Variants in ZNF398 observed in about 807,000 individuals in gnomAD.
ZNF398 encodes zinc finger DNA binding protein ZER6.
ZNF398 carries 18 observed loss-of-function variants against 41.9 expected under a neutral mutation model. That is an observed-to-expected ratio of 0.43 (90% confidence interval 0.30 to 0.64). The LOEUF is 0.64. Among genes scored for constraint, ZNF398 ranks in the 30% least tolerant of loss-of-function variants. The pLI is 0.14. For missense variants in ZNF398, 669 were observed against 822.8 expected (o/e 0.81, Z 2.29); for synonymous variants, 260 against 308.8 (o/e 0.84, Z 1.66).
chr7:149,135,618 T>C (rs1229497176), intron 2 of ZNF398, among the ~76,000 whole-genome samples: 1 of 150,566 alleles, frequency 6.6e-6, no homozygotes, highest in African/African-American at 2.4e-5. Flanking sequence ...GGAGAACTTA[T>C]CCATGTCGCT....
At chr7:149,156,170 G>A (rs1794972406) in intron 2 of ZNF398, among the ~76,000 whole-genome samples, 1 of 152,048 alleles carries the variant, frequency 6.6e-6, no homozygotes, top group Non-Finnish European at 1.5e-5. Context: ...GGAGAGAAGT[G>A]GACAGATGCA....
At chr7:149,153,562 A>G (rs1256685293) in intron 1 of ZNF398, among the ~76,000 whole-genome samples, 2 of 152,220 alleles carry the variant, frequency 1.3e-5, no homozygotes, top group Non-Finnish European at 2.9e-5. Flanking sequence ...GGTCTAGAGC[A>G]TAAGTCTATA....
chr7:149,130,981 A>AG (rs995804247), intron 2 of ZNF398, among the ~76,000 whole-genome samples: 18 of 152,288 alleles, frequency 1.2e-4, no homozygotes, highest in African/African-American at 3.8e-4. Flanking sequence ...ATGATGGGTG[A>AG]GGGGTCTGAC....
intron 5 of ZNF398, among the ~76,000 whole-genome samples, chr7:149,178,116 C>T (rs896995991): frequency 7.9e-5 from 12 of 152,106 alleles, no homozygotes; most frequent in African/African-American, 2.9e-4. Context: ...ACAGTGAAAC[C>T]CTGTCTCTAC....
intron 2 of ZNF398, among the ~76,000 whole-genome samples, chr7:149,138,036 C>T (rs191905037): frequency 7.6e-4 from 115 of 151,304 alleles, no homozygotes; most frequent in African/African-American, 2.5e-3. Flanking sequence ...CCCATCTCTA[C>T]TAAAAATACA....
rs1241038943 is a variant in ZNF398 at position 149,182,362 on chromosome 7, C to G, written c.*2561C>G. 1.3e-5 allele frequency: 2 copies of G among 152,168 alleles called. No individual in the cohort carries two copies. Among genetic ancestry groups the G allele is most frequent in the African/African-American group, 4.8e-5 (2 of 41,428 alleles). The allele number at this position is 152,168 out of a possible 1,614,324, so 9.4% of individuals were successfully genotyped here. A position where few individuals can be genotyped will look rare whatever the true frequency, so the allele number is the denominator to read the frequency against. ...TGTTACTCTTTTCTTTCATCAATCC[C>G]CTATCAGTTAGAACTGCAGGCCAGT... On this transcript the variant is annotated 3_prime_UTR_variant, in exon 6 of 6. Coordinates refer to ENST00000475153, the MANE Select transcript of ZNF398 (RefSeq NM_170686.3).
At chr7:149,149,031 G>C (rs1447572546) in intron 1 of ZNF398, among the ~76,000 whole-genome samples, 1 of 151,786 alleles carries the variant, frequency 6.6e-6, no homozygotes, top group Non-Finnish European at 1.5e-5. Context: ...GCCAGGCGCT[G>C]TGTTGTGCAC....
At chr7:149,146,687 T>TA (rs918364019), upstream of ZNF398, among the ~76,000 whole-genome samples, 242 of 143,808 alleles carry the variant, frequency 1.7e-3, 1 homozygote, top group Middle Eastern at 7.2e-3. Context: ...CGTCTCCACT[T>TA]AAAAAAAAAA....
At chr7:149,170,007 C>A (rs1376704231) in intron 4 of ZNF398, among the ~76,000 whole-genome samples, 1 of 152,140 alleles carries the variant, frequency 6.6e-6, no homozygotes, top group Non-Finnish European at 1.5e-5. Flanking sequence ...CTTAATTGTT[C>A]CAGTAATGAG....
At chr7:149,160,931 AGTGGGGGCGGGCTGCTGGCTGAG>A (rs1159088491) in intron 2 of ZNF398, among the ~76,000 whole-genome samples, 1 of 151,926 alleles carries the variant, frequency 6.6e-6, no homozygotes, top group Non-Finnish European at 1.5e-5. Flanking sequence ...AGGGGGCTAG[AGTGGGGGCGGGCTGCTGGCTGAG>A]GTGGTGTCTC....
intron 2 of ZNF398, among the ~76,000 whole-genome samples, chr7:149,158,980 T>C: frequency 6.6e-6 from 1 of 151,940 alleles, no homozygotes; most frequent in Admixed American, 6.6e-5. Flanking sequence ...GTGATTTCCC[T>C]TAAAGATTTT....
At chr7:149,178,291 C>CAA (rs565678658) in intron 5 of ZNF398, among the ~76,000 whole-genome samples, 1 of 137,424 alleles carries the variant, frequency 7.3e-6, no homozygotes, top group African/African-American at 2.7e-5. Flanking sequence ...GACTCCGTCT[C>CAA]AAAAAAAAAA....
Position 149,166,860 on chromosome 7 carries a change from A to G in ZNF398, c.591A>G (p.Pro197=). 6.2e-7 allele frequency: 1 copy of G among 1,613,322 alleles called. No individual in the cohort carries two copies. Among genetic ancestry groups the G allele is most frequent in the Non-Finnish European group, 8.5e-7 (1 of 1,179,432 alleles). Residue 197 remains proline, a synonymous_variant, in exon 4 of 6, where the codon CCA becomes CCG. Coordinates refer to ENST00000475153, the MANE Select transcript of ZNF398 (RefSeq NM_170686.3). ...CTGATGTCTTATCTCAGATTCAACC[A>G]GAAGGGGAACATAATACAGAGGACC... is the stretch of plus-strand genomic sequence containing the variant. ...NQPDVLSQIQ[P]EGEHNTEDQA...
intron 2 of ZNF398, among the ~76,000 whole-genome samples, chr7:149,132,474 A>G (rs6944781): frequency 0.59 from 88,911 of 151,926 alleles, 27,650 homozygotes; most frequent in East Asian, 0.9. Context: ...GAATACAGGC[A>G]TTAGCCACCC....
rs1487125581 is a variant in ZNF398 at position 149,179,154 on chromosome 7, C to T, written c.1282C>T (p.Pro428Ser). The T allele has an allele frequency of 5.0e-6, 8 of 1,613,844 alleles. No homozygotes were observed. Among genetic ancestry groups the T allele is most frequent in the Non-Finnish European group, 6.8e-6 (8 of 1,180,024 alleles). ...CCATAACAGCACTGAGCGTCCTTTC[C>T]CCTGTCCTGATTGCCCCAAGCGCTT... is the stretch of plus-strand genomic sequence containing the variant. ...RVHNSTERPF[P>S]CPDCPKRFAD... The change falls in exon 6 of 6, where the codon CCC becomes TCC. Residue 428 changes from proline (P) to serine (S), a missense_variant. Around this residue, in one of 3 missense-constraint regions of ZNF398, gnomAD observed 290 missense variants for 292.9 expected, o/e 0.99. Transcript: ENST00000475153. This position sits in a 1 kb window ranked among gnomAD's most constrained non-coding sequence, Gnocchi z 6.1.
chr7:149,157,264 G>C (rs1488699166), intron 2 of ZNF398, among the ~76,000 whole-genome samples: 2 of 152,182 alleles, frequency 1.3e-5, no homozygotes, highest in Non-Finnish European at 2.9e-5. Flanking sequence ...GCGGGGCACG[G>C]TGGCTAATGC....
Position 149,147,574 on chromosome 7 carries a change from C to A in ZNF398, c.-169C>A. 1.5e-6 allele frequency: 1 copy of A among 689,024 alleles called. No individual in the cohort carries two copies. Among genetic ancestry groups the A allele is most frequent in the Non-Finnish European group, 2.0e-6 (1 of 507,808 alleles). The allele number at this position is 689,024 out of a possible 1,614,324, so 42.7% of individuals were successfully genotyped here. On this transcript the variant is annotated 5_prime_UTR_variant, in exon 1 of 6. Transcript: ENST00000475153. This position sits in a 1 kb window ranked among gnomAD's most constrained non-coding sequence, Gnocchi z 5.6. ...ACCGCGCCTCCGCCGCGTTCCTGCG[C>A]GTCCCGAGCCCCGACGGCCGCGTGA...
At chr7:149,145,942 CTTTTTTT>C (rs34950278), upstream of ZNF398, among the ~76,000 whole-genome samples, 8 of 103,090 alleles carry the variant, frequency 7.8e-5, 1 homozygote, top group Non-Finnish European at 1.1e-4. Flanking sequence ...CTCGCAGGTC[CTTTTTTT>C]TTTTTTTTTT....
intron 2 of ZNF398, among the ~76,000 whole-genome samples, chr7:149,132,102 G>A (rs1422697516): frequency 1.3e-5 from 2 of 151,770 alleles, no homozygotes; most frequent in African/African-American, 2.4e-5. Flanking sequence ...TTGATCAAAA[G>A]GTCTACTTAT....
Sources: gnomAD v4.1 joint callset for allele counts (sites outside exome capture counted in the v4.1 genomes callset) on GRCh38, gnomAD v4.1.1 for gene constraint, gnomAD v4.1.1 regional missense constraint, Gnocchi (gnomAD v3.1) non-coding constraint, MANE v1.5 for transcripts, NCBI Gene and HGNC (gene_info 2026-07-23, HGNC 2026-07-21) for gene names.